The following WDR72 variants were observed in gnomAD, a reference collection of about 807,000 sequenced individuals.
WDR72 encodes the protein WD repeat-containing protein 72.
A neutral mutation model predicts 124.2 loss-of-function variants in WDR72; 120 were observed. That is an observed-to-expected ratio of 0.97 (90% CI 0.83 to 1.12). WDR72 has a LOEUF of 1.12. Ranked by LOEUF, WDR72 falls within the 50% of genes most tolerant of loss-of-function variation. The probability of loss-of-function intolerance (pLI) is 0.00; values close to 1 mark genes in which losing one functional copy is unlikely to be tolerated. For synonymous variants in WDR72, 452 were observed against 441.7 expected (o/e 1.02, Z -0.29); for missense variants, 1,387 against 1,278.8 (o/e 1.08, Z -1.29).
chr15:53,591,456 T>C (rs1263353986), intron 18 of WDR72, among the ~76,000 whole-genome samples: 1 of 152,044 alleles, frequency 6.6e-6, no homozygotes, highest in Non-Finnish European at 1.5e-5. Context: ...TGCCTAACTG[T>C]AGCTTCCTAG....
At position 53,710,912 on chromosome 15, in the gene WDR72, A is replaced by C; in HGVS notation, c.899T>G (p.Leu300Arg). The C allele has an allele frequency of 6.2e-7, 1 of 1,613,930 alleles. No individual in the cohort carries two copies. The highest frequency in any genetic ancestry group is 8.5e-7 in the Non-Finnish European group (1 of 1,179,916). Residue 300 changes from leucine to arginine, a missense_variant, in exon 9 of 20, where the codon CTT becomes CGT. By Grantham distance (102) the Leu-to-Arg change is moderately radical. Transcript: ENST00000360509. The stretch of plus-strand genomic sequence containing the variant: ...TAAATGAGGATAAATGGTCTCTTTA[A>C]GCACTCTTCCATCAGCAGGGTATAT... ...KSIYPADGRV[L>R]KETIYPHLLC...
At chr15:53,690,110 A>T (rs1266021311) in intron 13 of WDR72, among the ~76,000 whole-genome samples, 1 of 150,556 alleles carries the variant, frequency 6.6e-6, no homozygotes, top group Non-Finnish European at 1.5e-5. Flanking sequence ...AGATATACCT[A>T]ATGCTAGATG....
At chr15:53,759,087 G>A (rs187694799) in intron 1 of WDR72, among the ~76,000 whole-genome samples, 1 of 151,924 alleles carries the variant, frequency 6.6e-6, no homozygotes, top group Admixed American at 6.6e-5. Flanking sequence ...GCCAGCCCCC[G>A]TCCCCACAGC....
chr15:53,723,496 T>C (rs1280603540), intron 2 of WDR72, among the ~76,000 whole-genome samples: 1 of 152,172 alleles, frequency 6.6e-6, no homozygotes, highest in Non-Finnish European at 1.5e-5. Context: ...TGTACCCCCA[T>C]GTTCATTGTA....
At chr15:53,632,558 C>T (rs1301009757) in intron 14 of WDR72, among the ~76,000 whole-genome samples, 2 of 152,156 alleles carry the variant, frequency 1.3e-5, no homozygotes, top group East Asian at 3.9e-4. Flanking sequence ...GGCCATCATC[C>T]TCCAGTCCCC....
intron 14 of WDR72, among the ~76,000 whole-genome samples, chr15:53,660,515 ATAAAACTC>A (rs1327779320): frequency 1.3e-5 from 2 of 152,180 alleles, no homozygotes; most frequent in Non-Finnish European, 2.9e-5. Flanking sequence ...AGGTATGAGA[ATAAAACTC>A]TAATAAAAAT....
At chr15:53,591,840 A>T (rs1274195331) in intron 18 of WDR72, among the ~76,000 whole-genome samples, 1 of 152,004 alleles carries the variant, frequency 6.6e-6, no homozygotes, top group Non-Finnish European at 1.5e-5. Context: ...CTTGAGAGAG[A>T]ACTGTTAAGT....
At chr15:53,676,924 C>CTTT (rs544909977) in intron 13 of WDR72, among the ~76,000 whole-genome samples, 52 of 135,574 alleles carry the variant, frequency 3.8e-4, no homozygotes, top group Non-Finnish European at 5.4e-4. Context: ...GAAATTCTTG[C>CTTT]TTTTTTTTTT....
chr15:53,518,920 C>T (rs1479039017), intron 19 of WDR72, among the ~76,000 whole-genome samples: 1 of 151,914 alleles, frequency 6.6e-6, no homozygotes, highest in Admixed American at 6.6e-5. Flanking sequence ...ATAAAAACCA[C>T]AAAAATGTTC....
intron 18 of WDR72, among the ~76,000 whole-genome samples, chr15:53,546,661 T>C (rs949726712): frequency 4.1e-4 from 62 of 151,858 alleles, no homozygotes; most frequent in Admixed American, 1.4e-3. Context: ...ACATAAAGTA[T>C]AATAATAATA....
At chr15:53,604,141 C>T (rs186855866) in intron 17 of WDR72, among the ~76,000 whole-genome samples, 48 of 152,212 alleles carry the variant, frequency 3.2e-4, no homozygotes, top group African/African-American at 1.0e-3. Flanking sequence ...ACACATAGAC[C>T]AATGGAACAG....
At chr15:53,618,621 T>C (rs2013863024) in intron 14 of WDR72, among the ~76,000 whole-genome samples, 1 of 152,124 alleles carries the variant, frequency 6.6e-6, no homozygotes, top group East Asian at 1.9e-4. Flanking sequence ...AGTCTCTGGC[T>C]TCCTCTGATG....
At chr15:53,756,399 G>C (rs896809607) in intron 1 of WDR72, among the ~76,000 whole-genome samples, 1 of 152,174 alleles carries the variant, frequency 6.6e-6, no homozygotes, top group African/African-American at 2.4e-5. Flanking sequence ...CCCAGTCTTA[G>C]AGCAGTGTCC....
At chr15:53,643,133 T>C (rs2140414899) in intron 14 of WDR72, among the ~76,000 whole-genome samples, 1 of 152,156 alleles carries the variant, frequency 6.6e-6, no homozygotes, top group East Asian at 1.9e-4. Context: ...TAATGATAAA[T>C]TAATATGTAT....
At chr15:53,623,843 C>A (rs896488965) in intron 14 of WDR72, among the ~76,000 whole-genome samples, 5 of 152,082 alleles carry the variant, frequency 3.3e-5, no homozygotes, top group African/African-American at 1.2e-4. Context: ...GCCTCACCAG[C>A]ATCCATTGTT....
At chr15:53,697,043 T>C (rs1046811600) in intron 13 of WDR72, among the ~76,000 whole-genome samples, 2 of 152,174 alleles carry the variant, frequency 1.3e-5, no homozygotes, top group Non-Finnish European at 2.9e-5. Flanking sequence ...GTTGAGATTG[T>C]TTTTAAACTA....
intron 18 of WDR72, among the ~76,000 whole-genome samples, chr15:53,528,665 T>G (rs1892257509): frequency 1.3e-5 from 2 of 152,050 alleles, no homozygotes; most frequent in South Asian, 2.1e-4. Context: ...AGTTATTATT[T>G]CATTTAAATA....
At chr15:53,630,929 G>T (rs1362372203) in intron 14 of WDR72, among the ~76,000 whole-genome samples, 1 of 152,068 alleles carries the variant, frequency 6.6e-6, no homozygotes, top group Non-Finnish European at 1.5e-5. Flanking sequence ...GTCTATATTT[G>T]CAGATTACAT....
intron 1 of WDR72, among the ~76,000 whole-genome samples, chr15:53,754,483 C>T (rs1187865425): frequency 6.6e-6 from 1 of 152,012 alleles, no homozygotes; most frequent in East Asian, 1.9e-4. Context: ...AAAAAAAATC[C>T]GTGGCAAAGG....
Sources: allele counts gnomAD v4.1 joint callset (sites outside exome capture counted in the v4.1 genomes callset), GRCh38; gene constraint gnomAD v4.1.1; transcripts MANE v1.5; gene names NCBI Gene and HGNC (gene_info 2026-07-23, HGNC 2026-07-21).